The following DIP2C variants were observed in gnomAD, a reference collection of about 807,000 sequenced individuals.
The protein encoded by DIP2C is disco-interacting protein 2 homolog C.
A neutral mutation model predicts 192.4 loss-of-function variants in DIP2C; 33 were observed. The observed-to-expected ratio is 0.17, with a 90% CI of 0.13 to 0.23. The LOEUF (loss-of-function observed/expected upper bound fraction) is 0.23. DIP2C is among the 10% of genes least tolerant of loss of function. The pLI, the probability that DIP2C is intolerant of heterozygous loss-of-function variation, is 1.00. For synonymous variants in DIP2C, 979 were observed against 864.1 expected (o/e 1.13, Z -2.33); for missense variants, 1,537 against 2,110.1 (o/e 0.73, Z 5.32).
At chr10:596,609 C>T (rs1413297388) in intron 1 of DIP2C, among the ~76,000 whole-genome samples, 2 of 150,188 alleles carry the variant, frequency 1.3e-5, no homozygotes, top group Non-Finnish European at 3.0e-5. Context: ...AGATACATCA[C>T]AGGAGACGTA....
Position 436,737 on chromosome 10 carries a change from C to T in DIP2C, c.394+4134G>A, listed in dbSNP as rs1239475844. Among the ~76,000 whole-genome samples the T allele has an allele frequency of 2.4e-5, 3 of 123,780 alleles. No homozygotes were observed. The East Asian group carries it at 6.6e-4, about 27-fold the overall frequency. 81.2% of individuals were successfully genotyped at this position (123,780 alleles called of 152,430 possible). On this transcript the variant is annotated intron_variant, in intron 4 of 36. Transcript: ENST00000280886. ...CCCACACCTGAGATCTCTCTGAGCTCTGCTTCCTGGACATGGTAGGGTGAT... is the reference window on the plus strand; with the variant it reads ...CCCACACCTGAGATCTCTCTGAGCTTTGCTTCCTGGACATGGTAGGGTGAT...
chr10:517,799 TTTA>T (rs1846453319), intron 1 of DIP2C, among the ~76,000 whole-genome samples: 1 of 151,192 alleles, frequency 6.6e-6, no homozygotes, highest in African/African-American at 2.5e-5. Flanking sequence ...AAAAGGTCTC[TTTA>T]TTAACAACCA....
At chr10:675,062 AT>A (rs151237577) in intron 1 of DIP2C, among the ~76,000 whole-genome samples, 1,565 of 152,174 alleles carry the variant, frequency 0.01, 36 homozygotes, top group African/African-American at 0.036. Flanking sequence ...GTCTCAATAC[AT>A]TTTTTTAAAA....
chr10:509,221 G>A (rs1845844159), intron 1 of DIP2C, among the ~76,000 whole-genome samples: 1 of 152,118 alleles, frequency 6.6e-6, no homozygotes, highest in South Asian at 2.1e-4. Context: ...CCCGGGGAGG[G>A]GCATAGAGGA....
At chr10:475,329 T>C (rs151254503) in intron 2 of DIP2C, among the ~76,000 whole-genome samples, 3 of 152,352 alleles carry the variant, frequency 2.0e-5, no homozygotes, top group African/African-American at 7.2e-5. Context: ...TGTGGACTTA[T>C]ATAGTCACTG....
intron 4 of DIP2C, among the ~76,000 whole-genome samples, chr10:438,376 C>T (rs138296833): frequency 6.6e-6 from 1 of 152,194 alleles, no homozygotes; most frequent in Non-Finnish European, 1.5e-5. Context: ...TAAAATATTT[C>T]AAGTGGGTTA....
chr10:504,083 C>T (rs1477254988), intron 1 of DIP2C, among the ~76,000 whole-genome samples: 1 of 152,234 alleles, frequency 6.6e-6, no homozygotes, highest in Non-Finnish European at 1.5e-5. Flanking sequence ...CTCTCTTCAT[C>T]TCACGACACA....
intron 24 of DIP2C, 165 bp downstream of exon 24, chr10:356,261 A>G: frequency 2.5e-6 from 2 of 789,516 alleles, no homozygotes; most frequent in Non-Finnish European, 4.3e-6. Context: ...GTTACGTTTA[A>G]AAACAATCCC....
intron 10 of DIP2C, 48 bp from the exon 11 acceptor site, chr10:390,911 C>A (rs374927401): frequency 3.7e-6 from 6 of 1,602,326 alleles, no homozygotes; most frequent in Non-Finnish European, 5.1e-6. Context: ...CTGCCCCACT[C>A]CGCCCAGCCT....
intron 4 of DIP2C, among the ~76,000 whole-genome samples, chr10:427,424 A>C (rs1966662865): frequency 6.6e-6 from 1 of 152,200 alleles, no homozygotes; most frequent in African/African-American, 2.4e-5. Flanking sequence ...AGCTCTGGGG[A>C]GTAGGACCTG....
chr10:598,077 A>T (rs1851821175), intron 1 of DIP2C, among the ~76,000 whole-genome samples: 1 of 152,242 alleles, frequency 6.6e-6, no homozygotes, highest in Admixed American at 6.5e-5. Flanking sequence ...GAGTCAGCAC[A>T]AGTCTGCAGG....
intron 31 of DIP2C, among the ~76,000 whole-genome samples, chr10:313,620 T>C (rs1237376375): frequency 6.6e-6 from 1 of 152,254 alleles, no homozygotes; most frequent in Non-Finnish European, 1.5e-5. Context: ...GCATGGGTTC[T>C]ATGCAAATGC....
intron 1 of DIP2C, chr10:650,487 C>A (rs946721922): frequency 1.1e-5 from 8 of 702,570 alleles, no homozygotes; most frequent in Admixed American, 4.0e-5. Flanking sequence ...ACGGCCACTT[C>A]TACTGGGTTC....
rs1448099063 is a variant in DIP2C at position 415,706 on chromosome 10, AT to A, written c.859+62del. The A allele has an allele frequency of 1.1e-5, 18 of 1,580,982 alleles. No homozygotes were observed. The East Asian group carries it at 3.4e-4, about 30-fold the overall frequency. Reference sequence around the variant, plus strand: ...AAGTAAAATAGCCTTGCAGAAAAAAATATCATTGTTTACGGGACCATAGGAG... The same window carrying A: ...AAGTAAAATAGCCTTGCAGAAAAAAAATCATTGTTTACGGGACCATAGGAG... On this transcript the variant is annotated intron_variant, in intron 7 of 36. Coordinates refer to ENST00000280886, the MANE Select transcript of DIP2C (RefSeq NM_014974.3).
chr10:485,525 C>G (rs572775579), intron 2 of DIP2C, among the ~76,000 whole-genome samples: 1 of 152,170 alleles, frequency 6.6e-6, no homozygotes, highest in Non-Finnish European at 1.5e-5. Flanking sequence ...AAGAAAAACA[C>G]GAAATGAAAA....
chr10:678,677 A>ATGCTCCCCG (rs1830969637), intron 1 of DIP2C, among the ~76,000 whole-genome samples: 1 of 6,566 alleles, frequency 1.5e-4, no homozygotes, highest in Non-Finnish European at 8.3e-4. Flanking sequence ...CCAGCTCCCC[A>ATGCTCCCCG]CGCCCATGCT....
intron 13 of DIP2C, among the ~76,000 whole-genome samples, chr10:388,845 C>A (rs887055106): frequency 6.6e-6 from 1 of 152,198 alleles, no homozygotes; most frequent in Non-Finnish European, 1.5e-5. Context: ...CACGCCGCAG[C>A]GGTGCCCTGT....
intron 2 of DIP2C, among the ~76,000 whole-genome samples, chr10:478,809 C>G (rs1260151025): frequency 6.6e-6 from 1 of 152,084 alleles, no homozygotes; most frequent in African/African-American, 2.4e-5. Flanking sequence ...CCATCTTATT[C>G]TCACTCATCG....
In DIP2C at chr10:621,166, C is replaced by T. The variant is rs774536061; in HGVS notation, c.85+68328G>A. The stretch of plus-strand genomic sequence containing the variant: ...ACAGGCACAGGGCCGCCCGACGCAA[C>T]GGGCCACGTATTCGCCACTTACCAA... On this transcript the variant is annotated intron_variant, in intron 1 of 36. Coordinates refer to ENST00000280886, the MANE Select transcript of DIP2C (RefSeq NM_014974.3). 1.5e-4 allele frequency among the ~76,000 whole-genome samples: 23 copies of T among 152,176 alleles called. 1 individual carries two copies. The highest frequency in any genetic ancestry group is 4.4e-5 in the Non-Finnish European group (3 of 68,034).
Sources: allele counts gnomAD v4.1 joint callset (sites outside exome capture counted in the v4.1 genomes callset), GRCh38; gene constraint gnomAD v4.1.1; transcripts MANE v1.5; gene names NCBI Gene and HGNC (gene_info 2026-07-23, HGNC 2026-07-21).